Variants in IQCM observed in about 807,000 individuals in gnomAD.
IQCM encodes the protein IQ motif containing M.
IQCM carries 45 observed loss-of-function variants against 57.6 expected under a neutral mutation model. The observed-to-expected ratio is 0.78, with a 90% CI of 0.62 to 1.00. IQCM has a LOEUF of 1.00. Ranked by LOEUF, IQCM falls within the 50% of genes least tolerant of loss-of-function variation. The pLI is 0.00. For missense variants in IQCM, 468 were observed against 511.6 expected (o/e 0.91, Z 0.82); for synonymous variants, 148 against 158.9 (o/e 0.93, Z 0.51).
rs1266699332 is a variant in IQCM, at chr4:149,432,138, A to G, written c.1390+1258T>C. ...TTAATTTATAAGAAAGTATCAAAAT[A>G]TTTTCAAAGTGGCTGTATTATTTTG... On this transcript the variant is annotated intron_variant, in intron 13 of 13. Coordinates refer to ENST00000636793, the MANE Select transcript of IQCM (RefSeq NM_001363507.2). Among the ~76,000 whole-genome samples, 2 of 151,808 alleles carry G rather than the reference A, an allele frequency of 1.3e-5. 1 individual carries two copies. The highest frequency in any genetic ancestry group is 3.9e-4 in the East Asian group (2 of 5,168).
chr4:149,598,621 T>C (rs1027226183), intron 8 of IQCM, among the ~76,000 whole-genome samples: 3 of 151,624 alleles, frequency 2.0e-5, no homozygotes, highest in African/African-American at 4.8e-5. Flanking sequence ...AAATAAATAA[T>C]TGCCCAGAAA....
intron 5 of IQCM, among the ~76,000 whole-genome samples, chr4:149,692,350 A>G (rs181977487): frequency 2.0e-5 from 3 of 152,354 alleles, no homozygotes; most frequent in Admixed American, 6.5e-5. Context: ...AACTAAGACC[A>G]TCAACAGTAT....
chr4:149,405,305 T>C (rs955097183), intron 13 of IQCM, among the ~76,000 whole-genome samples: 9 of 152,006 alleles, frequency 5.9e-5, no homozygotes, highest in African/African-American at 2.2e-4. Context: ...AGCCTTCATT[T>C]TAAACACTTT....
intron 13 of IQCM, among the ~76,000 whole-genome samples, chr4:149,428,806 G>A (rs1158846725): frequency 6.6e-6 from 1 of 151,744 alleles, no homozygotes; most frequent in African/African-American, 2.4e-5. Context: ...CAAGAAATCA[G>A]GTTCTAGTAT....
chr4:149,368,830 ATG>A (rs1253587443), intron 13 of IQCM, among the ~76,000 whole-genome samples: 1 of 68,302 alleles, frequency 1.5e-5, no homozygotes, highest in South Asian at 6.0e-4. Context: ...ATATATATAC[ATG>A]TATATATATA....
chr4:149,714,181 A>C (rs1052319449), intron 5 of IQCM, among the ~76,000 whole-genome samples: 1 of 151,830 alleles, frequency 6.6e-6, no homozygotes, highest in Non-Finnish European at 1.5e-5. Flanking sequence ...TAGATCCAAC[A>C]CTCTCTGCTC....
intron 10 of IQCM, among the ~76,000 whole-genome samples, chr4:149,562,946 T>C (rs1186548357): frequency 6.6e-6 from 1 of 152,162 alleles, no homozygotes; most frequent in Non-Finnish European, 1.5e-5. Context: ...TAATCTATTT[T>C]ATTTATAGTT....
intron 12 of IQCM, among the ~76,000 whole-genome samples, chr4:149,479,073 GAAGTA>G (rs1379800554): frequency 6.6e-6 from 1 of 152,104 alleles, no homozygotes; most frequent in East Asian, 1.9e-4. Flanking sequence ...CCATATTTTA[GAAGTA>G]AAGAATCACT....
At chr4:149,491,076 G>GATA (rs1184645161) in intron 12 of IQCM, among the ~76,000 whole-genome samples, 1 of 152,046 alleles carries the variant, frequency 6.6e-6, no homozygotes, top group Non-Finnish European at 1.5e-5. Flanking sequence ...TGGAACTGTG[G>GATA]ATAAAACAAT....
At chr4:149,809,308 G>C (rs2150064426) in intron 2 of IQCM, among the ~76,000 whole-genome samples, 1 of 151,580 alleles carries the variant, frequency 6.6e-6, no homozygotes, top group South Asian at 2.1e-4. Flanking sequence ...GACAAATACT[G>C]GTGTCACTAT....
intron 13 of IQCM, among the ~76,000 whole-genome samples, chr4:149,386,050 C>A (rs1731399982): frequency 1.3e-5 from 2 of 152,154 alleles, no homozygotes; most frequent in South Asian, 4.1e-4. Flanking sequence ...TGGCTTCTCA[C>A]CTCTTAAAGA....
intron 12 of IQCM, among the ~76,000 whole-genome samples, chr4:149,485,218 T>C (rs1741339079): frequency 6.6e-6 from 1 of 152,044 alleles, no homozygotes; most frequent in South Asian, 2.1e-4. Flanking sequence ...TGGTGTTCTA[T>C]AATCTTCTTA....
intron 10 of IQCM, among the ~76,000 whole-genome samples, chr4:149,562,353 A>T (rs1750206808): frequency 6.6e-6 from 1 of 152,216 alleles, no homozygotes; most frequent in Admixed American, 6.5e-5. Context: ...AACAAATGTC[A>T]TGAAAGTGGA....
At chr4:149,666,955 T>G (rs887510695) in intron 7 of IQCM, among the ~76,000 whole-genome samples, 5 of 152,172 alleles carry the variant, frequency 3.3e-5, no homozygotes, top group African/African-American at 9.6e-5. Context: ...AATTCCCATC[T>G]CCCTGGGACA....
intron 7 of IQCM, among the ~76,000 whole-genome samples, chr4:149,667,639 A>C (rs980339175): frequency 6.6e-5 from 10 of 152,018 alleles, no homozygotes; most frequent in Non-Finnish European, 1.5e-4. Flanking sequence ...CTTGGAGCTA[A>C]AGGAGCATGT....
At chr4:149,646,705 C>T (rs1758665371) in intron 7 of IQCM, among the ~76,000 whole-genome samples, 1 of 152,018 alleles carries the variant, frequency 6.6e-6, no homozygotes, top group African/African-American at 2.4e-5. Context: ...TTTTTTAGGC[C>T]AGGTGCAGTG....
intron 12 of IQCM, among the ~76,000 whole-genome samples, chr4:149,502,620 GCCATGCTCACGCCACTGCACT>G (rs1743375003): frequency 6.6e-6 from 1 of 152,158 alleles, no homozygotes; most frequent in South Asian, 2.1e-4. Flanking sequence ...GCTGCAGTGA[GCCATGCTCACGCCACTGCACT>G]CCAGCCTGGG....
At chr4:149,776,598 T>C (rs1246427469) in intron 2 of IQCM, among the ~76,000 whole-genome samples, 1 of 152,224 alleles carries the variant, frequency 6.6e-6, no homozygotes, top group Non-Finnish European at 1.5e-5. Flanking sequence ...TTGAAAGTAT[T>C]ACTATTTTGA....
At chr4:149,472,861 A>AT (rs1262406897) in intron 12 of IQCM, among the ~76,000 whole-genome samples, 1 of 152,218 alleles carries the variant, frequency 6.6e-6, no homozygotes, top group Non-Finnish European at 1.5e-5. Context: ...GACAAAAAAA[A>AT]AGAAATGGAG....
Sources: allele counts gnomAD v4.1 joint callset (sites outside exome capture counted in the v4.1 genomes callset), GRCh38; gene constraint gnomAD v4.1.1; transcripts MANE v1.5; gene names NCBI Gene and HGNC (gene_info 2026-07-23, HGNC 2026-07-21).